The following DLC1 variants were observed in gnomAD, a reference collection of about 807,000 sequenced individuals.
DLC1 encodes rho GTPase-activating protein 7.
DLC1 carries 54 observed loss-of-function variants against 140.3 expected under a neutral mutation model. The observed-to-expected ratio is 0.38, with a 90% CI of 0.31 to 0.48. DLC1 has a LOEUF of 0.48. Ranked by LOEUF, DLC1 falls within the 20% of genes least tolerant of loss-of-function variation. The pLI, the probability that DLC1 is intolerant of heterozygous loss-of-function variation, is 0.96. For synonymous variants in DLC1, 986 were observed against 728.1 expected (o/e 1.35, Z -5.70); for missense variants, 2,536 against 1,907.0 (o/e 1.33, Z -6.14).
intron 4 of DLC1, among the ~76,000 whole-genome samples, chr8:13,387,952 A>T (rs1389174814): frequency 6.6e-6 from 1 of 152,048 alleles, no homozygotes; most frequent in Non-Finnish European, 1.5e-5. Flanking sequence ...TCTTTGAAAG[A>T]CTGATGGAGT....
In DLC1 at chr8:13,448,345, TTTC is replaced by T. The variant is rs146892447; in HGVS notation, c.1024-46729_1024-46727del. Among the ~76,000 whole-genome samples the T allele has an allele frequency of 1.2e-3, 178 of 146,878 alleles. 1 individual carries two copies. Among genetic ancestry groups the T allele is most frequent in the South Asian group, 2.0e-3 (9 of 4,612 alleles). On this transcript the variant is annotated intron_variant, in intron 2 of 17. Coordinates refer to ENST00000276297, the MANE Select transcript of DLC1 (RefSeq NM_182643.3). Reference sequence around the variant, plus strand: ...ATCTTCTTTGCTGTATCTTTTAAAATTTCTTCTTCTTCTTCTTCTTCTTCTTTT... The same window carrying T: ...ATCTTCTTTGCTGTATCTTTTAAAATTTCTTCTTCTTCTTCTTCTTCTTTT...
intron 1 of DLC1, among the ~76,000 whole-genome samples, chr8:13,562,871 G>A (rs1037961326): frequency 6.6e-6 from 1 of 151,064 alleles, no homozygotes; most frequent in Non-Finnish European, 1.5e-5. Context: ...TCTATATGCT[G>A]TTGTAAAGTG....
chr8:13,431,413 G>A (rs1389205139), intron 2 of DLC1, among the ~76,000 whole-genome samples: 1 of 148,050 alleles, frequency 6.8e-6, no homozygotes, highest in Non-Finnish European at 1.5e-5. Context: ...AACCCGGGAG[G>A]CGGAGCTTGC....
At chr8:13,569,979 G>A (rs1034853332) in intron 1 of DLC1, among the ~76,000 whole-genome samples, 3 of 152,218 alleles carry the variant, frequency 2.0e-5, no homozygotes, top group Non-Finnish European at 4.4e-5. Flanking sequence ...TCCTGTCTCA[G>A]CCTTCCCAAG....
At chr8:13,545,052 T>C (rs2117340649) in intron 1 of DLC1, among the ~76,000 whole-genome samples, 1 of 152,212 alleles carries the variant, frequency 6.6e-6, no homozygotes, top group East Asian at 1.9e-4. Context: ...CGTCGTATCC[T>C]CAGTGCTAGA....
At chr8:13,290,869 G>A (rs938216586) in intron 5 of DLC1, among the ~76,000 whole-genome samples, 33 of 152,302 alleles carry the variant, frequency 2.2e-4, no homozygotes, top group African/African-American at 7.5e-4. Context: ...AATGAGATGC[G>A]TAGCTTGGTA....
At chr8:13,396,383 T>A (rs1002371961) in intron 3 of DLC1, among the ~76,000 whole-genome samples, 1 of 152,196 alleles carries the variant, frequency 6.6e-6, no homozygotes, top group Non-Finnish European at 1.5e-5. Context: ...TGTTTGTGAT[T>A]TGATTAGATA....
intron 5 of DLC1, among the ~76,000 whole-genome samples, chr8:13,167,758 T>G (rs1825203555): frequency 6.6e-6 from 1 of 152,270 alleles, no homozygotes; most frequent in South Asian, 2.1e-4. Context: ...ATTTGATCCA[T>G]ACAGTCTTGC....
chr8:13,292,969 C>A (rs1334850307), intron 5 of DLC1, among the ~76,000 whole-genome samples: 1 of 152,128 alleles, frequency 6.6e-6, no homozygotes, highest in Non-Finnish European at 1.5e-5. Context: ...ACACCTGTAA[C>A]CCCAGCACTT....
intron 2 of DLC1, among the ~76,000 whole-genome samples, chr8:13,465,885 T>C (rs1337599537): frequency 6.6e-6 from 1 of 152,146 alleles, no homozygotes; most frequent in Admixed American, 6.5e-5. Context: ...CAGGGTTAGT[T>C]AGAATCAGGA....
At chr8:13,410,607 A>G (rs1393672177) in intron 2 of DLC1, among the ~76,000 whole-genome samples, 1 of 152,150 alleles carries the variant, frequency 6.6e-6, no homozygotes, top group Non-Finnish European at 1.5e-5. Flanking sequence ...AAAAGACTAT[A>G]AAATACCTAG....
At chr8:13,254,107 C>T (rs10503442) in intron 5 of DLC1, among the ~76,000 whole-genome samples, 34,680 of 151,512 alleles carry the variant, frequency 0.23, 4,103 homozygotes, top group South Asian at 0.34. Context: ...TTCATCTTCT[C>T]GGAATGTTGT....
intron 5 of DLC1, among the ~76,000 whole-genome samples, chr8:13,283,631 C>T (rs1291556097): frequency 1.3e-5 from 2 of 152,202 alleles, no homozygotes; most frequent in Non-Finnish European, 2.9e-5. Context: ...CCTCTCACTG[C>T]AGCCTCCTGA....
chr8:13,357,848 G>A (rs1034228429), intron 4 of DLC1, among the ~76,000 whole-genome samples: 1 of 152,052 alleles, frequency 6.6e-6, no homozygotes, highest in Admixed American at 6.5e-5. Context: ...TAGAAATTTT[G>A]CAGTTTTCTG....
chr8:13,480,212 G>C (rs546211168), intron 2 of DLC1, among the ~76,000 whole-genome samples: 2 of 152,248 alleles, frequency 1.3e-5, no homozygotes, highest in African/African-American at 4.8e-5. Context: ...AGTTAAATAT[G>C]TTTGATTATT....
chr8:13,245,790 C>T (rs750879523), intron 5 of DLC1, among the ~76,000 whole-genome samples: 11 of 152,006 alleles, frequency 7.2e-5, no homozygotes, highest in Admixed American at 1.3e-4. Context: ...AACCTCAGCT[C>T]CCTGGGTTCA....
chr8:13,101,876 G>A (rs988163625), intron 8 of DLC1, among the ~76,000 whole-genome samples: 1 of 152,112 alleles, frequency 6.6e-6, no homozygotes, highest in Non-Finnish European at 1.5e-5. Flanking sequence ...TGGCCTTTTC[G>A]GCAGGATATC....
At chr8:13,358,871 T>C (rs1835072657) in intron 4 of DLC1, among the ~76,000 whole-genome samples, 1 of 152,236 alleles carries the variant, frequency 6.6e-6, no homozygotes, top group Non-Finnish European at 1.5e-5. Context: ...TTGTGAATGC[T>C]GGAAGGTATC....
intron 5 of DLC1, among the ~76,000 whole-genome samples, chr8:13,294,221 G>A (rs1831865030): frequency 1.3e-5 from 2 of 152,148 alleles, no homozygotes; most frequent in African/African-American, 4.8e-5. Flanking sequence ...TAGTTTTGCT[G>A]TGAACTTAAA....
Sources: gnomAD v4.1 joint callset for allele counts (sites outside exome capture counted in the v4.1 genomes callset) on GRCh38, gnomAD v4.1.1 for gene constraint, MANE v1.5 for transcripts, NCBI Gene and HGNC (gene_info 2026-07-23, HGNC 2026-07-21) for gene names.